PLEKHM1: variants seen among roughly 807,000 people sequenced by gnomAD.
PLEKHM1 encodes the protein pleckstrin homology domain-containing family M member 1.
PLEKHM1 carries 28 observed loss-of-function variants against 94.3 expected under a neutral mutation model. That is an observed-to-expected ratio of 0.30 (90% CI 0.22 to 0.41). The LOEUF (loss-of-function observed/expected upper bound fraction) is 0.41, where lower values mean the gene tolerates loss of function less well. Among genes scored for constraint, PLEKHM1 ranks in the 10% least tolerant of loss-of-function variants. The pLI, the probability that PLEKHM1 is intolerant of heterozygous loss-of-function variation, is 1.00. For missense variants in PLEKHM1, 907 were observed against 1,358.6 expected, an observed-to-expected ratio of 0.67 and a Z score of 5.22; for synonymous variants, 424 against 581.2, an observed-to-expected ratio of 0.73 and a Z score of 3.89.
chr17:45,478,822 C>A (rs1013634109), intron 2 of PLEKHM1, among the ~76,000 whole-genome samples: 1 of 151,700 alleles, frequency 6.6e-6, no homozygotes, highest in East Asian at 1.9e-4. Context: ...CATAGCAAGA[C>A]CTTGTCTCAA....
intron 6 of PLEKHM1, among the ~76,000 whole-genome samples, chr17:45,457,377 A>C (rs1161780873): frequency 6.6e-6 from 1 of 151,908 alleles, no homozygotes; most frequent in Non-Finnish European, 1.5e-5. Context: ...CAGCCTAACC[A>C]ATTTCGAGAA....
rs1421173328 is a variant in PLEKHM1, at chr17:45,444,406, T to A, written c.2837+1064A>T. On this transcript the variant is annotated intron_variant, in intron 9 of 11. Coordinates refer to ENST00000430334, the MANE Select transcript of PLEKHM1 (RefSeq NM_014798.3). The surrounding 1 kb of genome is among the most constrained non-coding windows in gnomAD (Gnocchi z 5.0). ...AGGCATGGAGAGGCCTAAGTCCCTG[T>A]TGAAGCCCAGCATCACATCCCATTC... Among the ~76,000 whole-genome samples, 1 of 152,186 alleles carries A rather than the reference T, an allele frequency of 6.6e-6. No individual in the cohort carries two copies. Among genetic ancestry groups the A allele is most frequent in the East Asian group, 1.9e-4 (1 of 5,196 alleles).
At chr17:45,449,221 T>C (rs965244529) in intron 8 of PLEKHM1, among the ~76,000 whole-genome samples, 1 of 140,228 alleles carries the variant, frequency 7.1e-6, no homozygotes, top group Non-Finnish European at 1.6e-5. Flanking sequence ...CTCCAAGGTA[T>C]AGCCCTGGCC....
chr17:45,468,272 C>A lies in PLEKHM1; in HGVS notation c.1245G>T (p.Leu415=), dbSNP rs1293897947. Residue 415 remains leucine (L), a synonymous_variant, in exon 5 of 12, where the codon CTG becomes CTT. Coordinates refer to ENST00000430334, the MANE Select transcript of PLEKHM1 (RefSeq NM_014798.3). ...TAREVGQGNG[L]QKAQAHDGAG... ...CTCCGTCATGAGCCTGGGCCTTCTG[C>A]AGGCCATTCCCTTGGCCCACTTCTC... 1.2e-6 allele frequency: 2 copies of A among 1,612,952 alleles called. No homozygotes were observed. The highest frequency in any genetic ancestry group is 2.7e-5 in the African/African-American group (2 of 74,902).
chr17:45,459,378 G>A (rs1349513363), intron 5 of PLEKHM1: 3 of 152,166 alleles, frequency 2.0e-5, no homozygotes, highest in Non-Finnish European at 4.4e-5. Context: ...CATACGACAC[G>A]TGACCTTTTG....
intron 2 of PLEKHM1, among the ~76,000 whole-genome samples, chr17:45,481,090 T>C: frequency 6.6e-6 from 1 of 152,182 alleles, no homozygotes; most frequent in East Asian, 1.9e-4. Flanking sequence ...TTGCCTTTTT[T>C]ATTACAGCCA....
intron 9 of PLEKHM1, among the ~76,000 whole-genome samples, chr17:45,441,811 A>AG (rs2050456197): frequency 6.6e-6 from 1 of 152,222 alleles, no homozygotes; most frequent in Non-Finnish European, 1.5e-5. Flanking sequence ...CACAATGAGG[A>AG]GAACCCTCTT....
rs1357594207 is a variant in PLEKHM1 at position 45,436,130 on chromosome 17, AG to A, written c.*1727del. The A allele has an allele frequency of 4.4e-6, 2 of 456,126 alleles. No individual in the cohort carries two copies. The highest frequency in any genetic ancestry group is 4.0e-5 in the African/African-American group (2 of 50,080). The allele number at this position is 456,126 out of a possible 1,614,324, so 28.3% of individuals were successfully genotyped here. On this transcript the variant is annotated 3_prime_UTR_variant, in exon 12 of 12. Transcript: ENST00000430334. The stretch of plus-strand genomic sequence containing the variant: ...GCAGCTTCTGGGGAACGGGCCCCCC[AG>A]GGCCTCAAACCTGCTGCCTCCGAGG...
At chr17:45,438,619 C>A (rs112431961) in intron 11 of PLEKHM1, among the ~76,000 whole-genome samples, 4,359 of 152,072 alleles carry the variant, frequency 0.029, 100 homozygotes, top group Non-Finnish European at 0.049. Flanking sequence ...TGCAGTGGCA[C>A]GATCTCGGCT....
At chr17:45,456,102 C>T (rs988639647) in intron 6 of PLEKHM1, among the ~76,000 whole-genome samples, 5 of 152,288 alleles carry the variant, frequency 3.3e-5, no homozygotes, top group Admixed American at 3.3e-4. Flanking sequence ...CCTTGCATCT[C>T]CTCAAACATC....
intron 1 of PLEKHM1, among the ~76,000 whole-genome samples, chr17:45,490,144 G>C (rs1287724122): frequency 6.6e-6 from 1 of 152,080 alleles, no homozygotes; most frequent in African/African-American, 2.4e-5. Flanking sequence ...GAGGGCGGAG[G>C]TAGAATGTTT....
intron 5 of PLEKHM1, 147 bp downstream of exon 5, chr17:45,468,062 C>G (rs1346725412): frequency 1.8e-5 from 14 of 788,766 alleles, no homozygotes; most frequent in African/African-American, 1.0e-4. Context: ...TGAGCCCCAT[C>G]ATCATGATGC....
rs1179147732 is a variant in PLEKHM1 at position 45,486,234 on chromosome 17, AT to A, written c.-41-3710del. Among the ~76,000 whole-genome samples the A allele has an allele frequency of 5.0e-3, 731 of 145,658 alleles. 3 individuals are homozygous for A. The highest frequency in any genetic ancestry group is 8.1e-3 in the Non-Finnish European group (538 of 66,020). ...TCCGTCTCAAAAAAAAAAAGATAAA[AT>A]AAAAAAATAATAATAATAATAATAA... is the stretch of plus-strand genomic sequence containing the variant. On this transcript the variant is annotated intron_variant, in intron 1 of 11. Coordinates refer to ENST00000430334, the MANE Select transcript of PLEKHM1 (RefSeq NM_014798.3).
At chr17:45,442,210 C>T (rs571325523) in intron 9 of PLEKHM1, among the ~76,000 whole-genome samples, 1 of 152,270 alleles carries the variant, frequency 6.6e-6, no homozygotes, top group East Asian at 1.9e-4. Flanking sequence ...AGGCAGCTGC[C>T]ACTAGTGCAG....
chr17:45,444,551 C>T lies in PLEKHM1; in HGVS notation c.2837+919G>A, dbSNP rs925207898. Among the ~76,000 whole-genome samples the T allele has an allele frequency of 3.9e-5, 6 of 152,190 alleles. No individual in the cohort carries two copies. Among genetic ancestry groups the T allele is most frequent in the East Asian group, 1.9e-4 (1 of 5,190 alleles). On this transcript the variant is annotated intron_variant, in intron 9 of 11. Transcript: ENST00000430334. This position sits in a 1 kb window ranked among gnomAD's most constrained non-coding sequence, Gnocchi z 5.0. ...AGGAGGGAGGCTGGCATGGGCCAGACGACTGGCTGGTACAGGGAAGAGATG... is the reference window on the plus strand; with the variant it reads ...AGGAGGGAGGCTGGCATGGGCCAGATGACTGGCTGGTACAGGGAAGAGATG...
chr17:45,486,212 G>A (rs1265116201), intron 1 of PLEKHM1, among the ~76,000 whole-genome samples: 6 of 132,326 alleles, frequency 4.5e-5, no homozygotes, highest in Non-Finnish European at 9.6e-5. Flanking sequence ...GAGAGACTCC[G>A]TCTCAAAAAA....
intron 4 of PLEKHM1, among the ~76,000 whole-genome samples, chr17:45,470,781 C>T (rs8081405): frequency 0.38 from 54,303 of 141,666 alleles, 4,404 homozygotes; most frequent in South Asian, 0.46. Flanking sequence ...GCCTCAGACT[C>T]CCGATTAGCT....
At chr17:45,456,486 C>T (rs1319865619) in intron 6 of PLEKHM1, 1 of 152,286 alleles carries the variant, frequency 6.6e-6, no homozygotes, top group Non-Finnish European at 1.5e-5. Flanking sequence ...CTCCGCCAGC[C>T]TGGAATAGCC....
chr17:45,468,088 T>C (rs2051375415), intron 5 of PLEKHM1, 121 bp downstream of exon 5: 18 of 1,090,002 alleles, frequency 1.7e-5, no homozygotes, highest in Non-Finnish European at 2.5e-5. Flanking sequence ...ACACTATCAC[T>C]ATGCAGGGAG....
Sources: gnomAD v4.1 joint callset for allele counts (sites outside exome capture counted in the v4.1 genomes callset) on GRCh38, gnomAD v4.1.1 for gene constraint, Gnocchi (gnomAD v3.1) non-coding constraint, MANE v1.5 for transcripts, NCBI Gene and HGNC (gene_info 2026-07-23, HGNC 2026-07-21) for gene names.